CAMTA1: variants seen among roughly 807,000 people sequenced by gnomAD.
CAMTA1 encodes calmodulin binding transcription activator 1, also known as calmodulin-binding transcription activator 1.
In CAMTA1, 27 loss-of-function variants were observed where a neutral mutation model predicts 170.9. The observed-to-expected ratio is 0.16, with a 90% CI of 0.12 to 0.22. The LOEUF (loss-of-function observed/expected upper bound fraction) is 0.22, where lower values mean the gene tolerates loss of function less well. CAMTA1 is among the 10% of genes least tolerant of loss of function. The pLI, the probability that CAMTA1 is intolerant of heterozygous loss-of-function variation, is 1.00. For missense variants in CAMTA1, 1,619 were observed against 2,217.2 expected (o/e 0.73, Z 5.42); for synonymous variants, 833 against 891.5 (o/e 0.93, Z 1.17).
chr1:6,797,485 A>G (rs901432939), intron 1 of CAMTA1, among the ~76,000 whole-genome samples: 18 of 151,276 alleles, frequency 1.2e-4, no homozygotes, highest in African/African-American at 3.9e-4. Flanking sequence ...TCCTGTGTTC[A>G]AGCAATTCTC....
chr1:7,644,054 A>T (rs1338469938), intron 7 of CAMTA1, among the ~76,000 whole-genome samples: 1 of 152,164 alleles, frequency 6.6e-6, no homozygotes, highest in Admixed American at 6.5e-5. Context: ...TGATTTCCTG[A>T]TGTTTCCAAA....
At chr1:7,158,455 C>T (rs74861243) in intron 4 of CAMTA1, among the ~76,000 whole-genome samples, 1 of 152,126 alleles carries the variant, frequency 6.6e-6, no homozygotes, top group Non-Finnish European at 1.5e-5. Context: ...GCGCATTTGT[C>T]AGATGTGTCC....
At chr1:6,796,305 T>C (rs552156902) in intron 1 of CAMTA1, among the ~76,000 whole-genome samples, 41 of 152,064 alleles carry the variant, frequency 2.7e-4, no homozygotes, top group Admixed American at 2.6e-3. Context: ...GCCTGGCTAA[T>C]TTTTGTATTT....
intron 3 of CAMTA1, among the ~76,000 whole-genome samples, chr1:7,012,297 A>T (rs1355034448): frequency 6.6e-6 from 1 of 152,024 alleles, no homozygotes; most frequent in Non-Finnish European, 1.5e-5. Context: ...TGACCTTGCC[A>T]GGTAGAGATA....
intron 5 of CAMTA1, among the ~76,000 whole-genome samples, chr1:7,398,211 AT>A (rs1254876342): frequency 9.4e-6 from 1 of 106,524 alleles, no homozygotes; most frequent in Non-Finnish European, 1.9e-5. Context: ...ATATATATAT[AT>A]ATATATATAT....
At chr1:6,880,852 T>C (rs1671361448) in intron 3 of CAMTA1, among the ~76,000 whole-genome samples, 1 of 152,202 alleles carries the variant, frequency 6.6e-6, no homozygotes, top group African/African-American at 2.4e-5. Context: ...TAGGTGTATC[T>C]AGAATGAAGC....
In CAMTA1 at chr1:7,562,237, A is replaced by G. The variant is rs1238908707; in HGVS notation, c.511-78163A>G. Reference sequence around the variant, plus strand: ...TATTGTAAGCACTACACAAAACTTTAAAGAATGTGTGTTAGACAACTGTCA... The same window carrying G: ...TATTGTAAGCACTACACAAAACTTTGAAGAATGTGTGTTAGACAACTGTCA... On this transcript the variant is annotated intron_variant, in intron 6 of 22. Transcript: ENST00000303635. This position sits in a 1 kb window ranked among gnomAD's most constrained non-coding sequence, Gnocchi z 4.8. 6.6e-6 allele frequency among the ~76,000 whole-genome samples: 1 copy of G among 152,190 alleles called. No individual in the cohort carries two copies. The highest frequency in any genetic ancestry group is 1.5e-5 in the Non-Finnish European group (1 of 68,036).
At chr1:6,904,214 G>A (rs1295995487) in intron 3 of CAMTA1, among the ~76,000 whole-genome samples, 1 of 152,068 alleles carries the variant, frequency 6.6e-6, no homozygotes, top group Non-Finnish European at 1.5e-5. Flanking sequence ...CACTGAACAC[G>A]CTTAGTTATT....
At chr1:6,877,791 C>T (rs988698848) in intron 3 of CAMTA1, among the ~76,000 whole-genome samples, 4 of 152,160 alleles carry the variant, frequency 2.6e-5, no homozygotes, top group East Asian at 1.9e-4. Context: ...CTAAGCCTTT[C>T]GTATTTCCAA....
At chr1:7,618,526 C>T (rs957612836) in intron 6 of CAMTA1, among the ~76,000 whole-genome samples, 1 of 152,234 alleles carries the variant, frequency 6.6e-6, no homozygotes, top group African/African-American at 2.4e-5. Context: ...TATCGTCTCC[C>T]TCGTTTTCAA....
At chr1:7,746,289 A>T (rs996473129) in intron 18 of CAMTA1, among the ~76,000 whole-genome samples, 198 bp downstream of exon 18, 1 of 152,160 alleles carries the variant, frequency 6.6e-6, no homozygotes, top group African/African-American at 2.4e-5. Flanking sequence ...AAAATATTTT[A>T]TGGTAAAATA....
At chr1:7,448,087 G>T (rs561152548) in intron 5 of CAMTA1, among the ~76,000 whole-genome samples, 2 of 152,172 alleles carry the variant, frequency 1.3e-5, no homozygotes, top group Non-Finnish European at 2.9e-5. Context: ...CATTCCAAAC[G>T]CATGTGTTTG....
chr1:6,798,239 C>T (rs549674317), intron 1 of CAMTA1, among the ~76,000 whole-genome samples: 25 of 152,112 alleles, frequency 1.6e-4, no homozygotes, highest in Non-Finnish European at 3.4e-4. Context: ...TCACCCACCT[C>T]GGCCTCCCAA....
At chr1:7,033,831 T>G (rs1703155084) in intron 3 of CAMTA1, among the ~76,000 whole-genome samples, 1 of 152,088 alleles carries the variant, frequency 6.6e-6, no homozygotes, top group Non-Finnish European at 1.5e-5. Flanking sequence ...TGACCCCAAG[T>G]GATCCACCCC....
rs759107479 is a variant in CAMTA1 at position 7,625,570 on chromosome 1, T to C, written c.511-14830T>C. Reference sequence around the variant, plus strand: ...GCTAGCACAGATGCCCACCCCACCGTTGTCTTCAGCATCTGCCAGGAGAGG... The same window carrying C: ...GCTAGCACAGATGCCCACCCCACCGCTGTCTTCAGCATCTGCCAGGAGAGG... On this transcript the variant is annotated intron_variant, in intron 6 of 22. Transcript: ENST00000303635. 4.7e-4 allele frequency among the ~76,000 whole-genome samples: 72 copies of C among 152,250 alleles called. 2 individuals carry two copies. Among genetic ancestry groups the C allele is most frequent in the South Asian group, 1.2e-3 (6 of 4,836 alleles).
chr1:6,948,707 C>T (rs1436901821), intron 3 of CAMTA1, among the ~76,000 whole-genome samples: 3 of 152,130 alleles, frequency 2.0e-5, no homozygotes, highest in African/African-American at 4.8e-5. Context: ...TTATTATCCT[C>T]TTCCCACAGT....
At chr1:7,388,657 C>T (rs570101970) in intron 5 of CAMTA1, among the ~76,000 whole-genome samples, 1 of 152,286 alleles carries the variant, frequency 6.6e-6, no homozygotes, top group Non-Finnish European at 1.5e-5. Context: ...CCTTGGTCTC[C>T]TGAGTCCAGG....
chr1:7,309,216 C>T (rs1364134037), intron 5 of CAMTA1, among the ~76,000 whole-genome samples: 1 of 150,864 alleles, frequency 6.6e-6, no homozygotes, highest in African/African-American at 2.4e-5. Context: ...TTGGGAACAA[C>T]ACATCGTTGG....
At chr1:7,243,033 T>C (rs945671899) in intron 4 of CAMTA1, among the ~76,000 whole-genome samples, 1 of 152,182 alleles carries the variant, frequency 6.6e-6, no homozygotes. Context: ...ACCTCCTTGA[T>C]TGTGTATACT....
Sources: allele counts gnomAD v4.1 joint callset (sites outside exome capture counted in the v4.1 genomes callset), GRCh38; gene constraint gnomAD v4.1.1; non-coding constraint Gnocchi (gnomAD v3.1); transcripts MANE v1.5; gene names NCBI Gene and HGNC (gene_info 2026-07-23, HGNC 2026-07-21).